The following EPC2 variants were observed in gnomAD, a reference collection of about 807,000 sequenced individuals.
EPC2 encodes the protein enhancer of polycomb 2.
EPC2 carries 14 observed loss-of-function variants against 92.1 expected under a neutral mutation model. The observed-to-expected ratio is 0.15, with a 90% CI of 0.10 to 0.24. EPC2 has a LOEUF of 0.24. Ranked by LOEUF, EPC2 falls within the 10% of genes least tolerant of loss-of-function variation. The probability of loss-of-function intolerance (pLI) is 1.00; values close to 1 mark genes in which losing one functional copy is unlikely to be tolerated. For missense variants in EPC2, 755 were observed against 971.5 expected, an observed-to-expected ratio of 0.78 and a Z score of 2.96; for synonymous variants, 340 against 334.7, an observed-to-expected ratio of 1.02 and a Z score of -0.17.
intron 4 of EPC2, among the ~76,000 whole-genome samples, chr2:148,758,585 G>C (rs1031450817): frequency 6.6e-6 from 1 of 152,038 alleles, no homozygotes; most frequent in African/African-American, 2.4e-5. Flanking sequence ...TAGTGGAGAC[G>C]GGGTTTCACT....
intron 7 of EPC2, among the ~76,000 whole-genome samples, chr2:148,766,007 G>A (rs1011830247): frequency 6.6e-6 from 1 of 152,184 alleles, no homozygotes; most frequent in Non-Finnish European, 1.5e-5. Flanking sequence ...CTGCACTCCA[G>A]CCTGGGCGAC....
Position 148,708,527 on chromosome 2 carries a change from C to T in EPC2, c.313+18154C>T, listed in dbSNP as rs138581143. On this transcript the variant is annotated intron_variant, in intron 2 of 13. Coordinates refer to ENST00000258484, the MANE Select transcript of EPC2 (RefSeq NM_015630.4). The stretch of plus-strand genomic sequence containing the variant: ...GCATCATCCTGATACCAAAGCCTGG[C>T]AGAGACACAACAAAAAAGGAGAATT... Among the ~76,000 whole-genome samples, 1,483 of 152,114 alleles carry T rather than the reference C, an allele frequency of 9.7e-3. 23 individuals carry two copies. Among genetic ancestry groups the T allele is most frequent in the African/African-American group, 0.033 (1,382 of 41,428 alleles).
intron 1 of EPC2, among the ~76,000 whole-genome samples, chr2:148,654,405 A>AT (rs905107432): frequency 5.3e-5 from 8 of 152,108 alleles, no homozygotes; most frequent in African/African-American, 1.7e-4. Flanking sequence ...AGAGTTTCAC[A>AT]TTTTTTCTCA....
rs766241786 is a variant in EPC2, at chr2:148,783,584, G to A, written c.1858-13G>A. ...TCTAAAAATTAGAGTGTTTAACTTT[G>A]TTCATTTTATAGGGCTCAAGCACCT... On this transcript the variant is annotated splice_polypyrimidine_tract_variant and intron_variant, in intron 11 of 13. Coordinates refer to ENST00000258484, the MANE Select transcript of EPC2 (RefSeq NM_015630.4). 4 of 1,594,648 alleles carry A rather than the reference G, an allele frequency of 2.5e-6. No homozygotes were observed. In the Admixed American group the frequency reaches 5.2e-5, roughly 21 times the overall value.
intron 2 of EPC2, 73 bp downstream of exon 2, chr2:148,690,446 T>A: frequency 7.3e-7 from 1 of 1,378,516 alleles, no homozygotes; most frequent in Non-Finnish European, 9.7e-7. Flanking sequence ...TTCTTTTGTC[T>A]AAAGAAATTC....
chr2:148,760,313 A>G (rs946631448), intron 4 of EPC2, among the ~76,000 whole-genome samples: 1 of 152,198 alleles, frequency 6.6e-6, no homozygotes, highest in African/African-American at 2.4e-5. Context: ...AAGACAGGGT[A>G]GAACCTCCAA....
Position 148,770,922 on chromosome 2 carries a change from T to A in EPC2, c.1361T>A (p.Ile454Asn). 6.2e-7 allele frequency: 1 copy of A among 1,611,718 alleles called. No homozygotes were observed. The highest frequency in any genetic ancestry group is 8.5e-7 in the Non-Finnish European group (1 of 1,179,382). Residue 454 changes from isoleucine (I) to asparagine (N), a missense_variant, in exon 9 of 14, where the codon ATT becomes AAT. Transcript: ENST00000258484. ...RRCIGFARRR[I>N]GRGGRVIMDR... ...TGTATAGGATTTGCAAGGAGGCGAATTGGCAGAGGTGGAAGGTGAAGTATT... is the reference window on the plus strand; with the variant it reads ...TGTATAGGATTTGCAAGGAGGCGAAATGGCAGAGGTGGAAGGTGAAGTATT...
chr2:148,646,546 A>G (rs888470087), intron 1 of EPC2, among the ~76,000 whole-genome samples: 4 of 151,900 alleles, frequency 2.6e-5, no homozygotes, highest in Admixed American at 6.6e-5. Flanking sequence ...ATCAAAACCC[A>G]GCATTTATCC....
intron 1 of EPC2, among the ~76,000 whole-genome samples, chr2:148,651,243 A>G (rs1680676211): frequency 6.6e-6 from 1 of 152,218 alleles, no homozygotes. Context: ...GACCAAAGGA[A>G]GGTTCTTCCA....
At chr2:148,728,174 T>G (rs1682535472) in intron 2 of EPC2, among the ~76,000 whole-genome samples, 1 of 152,022 alleles carries the variant, frequency 6.6e-6, no homozygotes, top group Non-Finnish European at 1.5e-5. Flanking sequence ...ATTCCTAGGC[T>G]CAAGCAGTCT....
intron 1 of EPC2, among the ~76,000 whole-genome samples, chr2:148,670,533 G>A (rs781742779): frequency 3.3e-5 from 5 of 152,052 alleles, no homozygotes; most frequent in Non-Finnish European, 5.9e-5. Context: ...TTACAAGATA[G>A]GATTTATTTT....
intron 1 of EPC2, among the ~76,000 whole-genome samples, chr2:148,657,696 A>G (rs972932171): frequency 1.3e-5 from 2 of 152,010 alleles, no homozygotes; most frequent in African/African-American, 4.8e-5. Flanking sequence ...TAGATCTACC[A>G]ACCAAATCAC....
rs991438246 is a variant in EPC2 at position 148,771,202 on chromosome 2, C to T, written c.1535C>T (p.Ser512Phe). The change falls in exon 10 of 14, where the codon TCT (serine) becomes TTT (phenylalanine). Residue 512 changes from serine to phenylalanine, a missense_variant. By Grantham distance (155) the Ser-to-Phe change is radical. This residue lies in a region of EPC2 where 509 missense variants were observed against 607.7 expected (regional missense o/e 0.84). Coordinates refer to ENST00000258484, the MANE Select transcript of EPC2 (RefSeq NM_015630.4). ...AGTAAACATTGTGAAAATAGACTGT[C>T]TCTTTCTGAAATATTAAGCAATATC... Reference protein sequence around the residue: ...ASSKHCENRLSLSEILSNIRS... With the variant: ...ASSKHCENRLFLSEILSNIRS... 3.1e-6 allele frequency: 5 copies of T among 1,613,964 alleles called. No homozygotes were observed. Among genetic ancestry groups the T allele is most frequent in the Non-Finnish European group, 4.2e-6 (5 of 1,179,870 alleles).
chr2:148,685,426 TA>T lies in EPC2; in HGVS notation c.154-4785del, dbSNP rs534472984. Among the ~76,000 whole-genome samples the T allele has an allele frequency of 3.9e-5, 6 of 152,314 alleles. No homozygotes were observed. The East Asian group carries it at 1.2e-3, about 29-fold the overall frequency. ...CCACAATAAAGCGAGTAACACTAAATAAAGCAAGTTACATGAATATTTTGGT... is the reference window on the plus strand; with the variant it reads ...CCACAATAAAGCGAGTAACACTAAATAAGCAAGTTACATGAATATTTTGGT... On this transcript the variant is annotated intron_variant, in intron 1 of 13. Transcript: ENST00000258484.
intron 10 of EPC2, among the ~76,000 whole-genome samples, chr2:148,776,240 T>C (rs1574637664): frequency 6.6e-6 from 1 of 152,212 alleles, no homozygotes; most frequent in East Asian, 1.9e-4. Context: ...AACATCTAGC[T>C]AAGGGTTAGG....
intron 4 of EPC2, among the ~76,000 whole-genome samples, chr2:148,756,200 T>C (rs1204694483): frequency 1.3e-5 from 2 of 152,242 alleles, no homozygotes; most frequent in African/African-American, 4.8e-5. Flanking sequence ...TCCTACCCTT[T>C]CTCTTGTTTG....
chr2:148,721,892 T>TTTTC (rs1553446827), intron 2 of EPC2, among the ~76,000 whole-genome samples: 1 of 135,050 alleles, frequency 7.4e-6, no homozygotes, highest in Non-Finnish European at 1.5e-5. Flanking sequence ...TTTGATTTCT[T>TTTTC]TTTTTTTTTT....
intron 2 of EPC2, among the ~76,000 whole-genome samples, chr2:148,705,268 A>G (rs1157673212): frequency 1.3e-5 from 2 of 151,718 alleles, no homozygotes; most frequent in South Asian, 2.1e-4. Context: ...GTTATGTTTT[A>G]TGTATTTACT....
At chr2:148,645,456 T>C (rs1574556466) in intron 1 of EPC2, 1 of 381,286 alleles carries the variant, frequency 2.6e-6, no homozygotes. Flanking sequence ...GCGCAGGGGA[T>C]GCGCTGGCCG....
Sources: gnomAD v4.1 joint callset for allele counts (sites outside exome capture counted in the v4.1 genomes callset) on GRCh38, gnomAD v4.1.1 for gene constraint, gnomAD v4.1.1 regional missense constraint, MANE v1.5 for transcripts, NCBI Gene and HGNC (gene_info 2026-07-23, HGNC 2026-07-21) for gene names.